The following ZNF611 variants were observed in gnomAD, a reference collection of about 807,000 sequenced individuals.
The protein encoded by ZNF611 is zinc finger protein 611.
A neutral mutation model predicts 8.9 loss-of-function variants in ZNF611; 6 were observed. That is an observed-to-expected ratio of 0.68 (90% CI 0.37 to 1.34). The LOEUF is 1.34. Ranked by LOEUF, ZNF611 falls within the 40% of genes most tolerant of loss-of-function variation. The pLI is 0.02. For synonymous variants in ZNF611, 262 were observed against 279.7 expected (o/e 0.94, Z 0.63); for missense variants, 874 against 841.3 (o/e 1.04, Z -0.48).
At chr19:52,722,315 G>C (rs532093975) in intron 3 of ZNF611, among the ~76,000 whole-genome samples, 4 of 152,142 alleles carry the variant, frequency 2.6e-5, no homozygotes, top group Non-Finnish European at 5.9e-5. Flanking sequence ...CTAAGAGGTC[G>C]AGGCTGCAGT....
intron 5 of ZNF611, chr19:52,708,406 G>A (rs1178351865): frequency 2.6e-5 from 4 of 152,246 alleles, no homozygotes; most frequent in African/African-American, 9.6e-5. Context: ...GCTGAGGCAG[G>A]AGAATGGCAT....
In ZNF611 at chr19:52,705,240, G is replaced by C. The variant is rs544374067; in HGVS notation, c.1815C>G (p.Arg605=). The C allele has an allele frequency of 4.7e-4, 759 of 1,614,034 alleles. 1 individual carries two copies. The highest frequency in any genetic ancestry group is 6.0e-4 in the Non-Finnish European group (709 of 1,180,014). Reference sequence around the variant, plus strand: ...TACGATGGCAATGAAGGGATGACCTGCGACTGAAGGTCTTGCTGCACTCAT... The same window carrying C: ...TACGATGGCAATGAAGGGATGACCTCCGACTGAAGGTCTTGCTGCACTCAT... ...KCNECSKTFS[R]RSSLHCHRRL... Residue 605 remains arginine, a synonymous_variant, in exon 6 of 6, where the codon CGC becomes CGG. Transcript: ENST00000652185.
chr19:52,726,364 C>A (rs1156404657), intron 3 of ZNF611, among the ~76,000 whole-genome samples: 2 of 152,242 alleles, frequency 1.3e-5, no homozygotes, highest in Non-Finnish European at 1.5e-5. Context: ...AACACCCCCT[C>A]CCGCAGTGCT....
chr19:52,724,464 A>G (rs1359358546), intron 3 of ZNF611: 1 of 152,274 alleles, frequency 6.6e-6, no homozygotes, highest in Non-Finnish European at 1.5e-5. Flanking sequence ...AATTTCTCTT[A>G]GTACAGACCA....
chr19:52,703,119 G>T lies in ZNF611; in HGVS notation c.*1818C>A, dbSNP rs188623638. On this transcript the variant is annotated 3_prime_UTR_variant, in exon 6 of 6. Transcript: ENST00000652185. Reference sequence around the variant, plus strand: ...AAAGGCATCTTTCAGAAGTCATTATGTATTAAGAAATACAACTTTTATAAC... The same window carrying T: ...AAAGGCATCTTTCAGAAGTCATTATTTATTAAGAAATACAACTTTTATAAC... 14 of 152,108 alleles carry T rather than the reference G, an allele frequency of 9.2e-5. No individual in the cohort carries two copies. Among genetic ancestry groups the T allele is most frequent in the African/African-American group, 3.4e-4 (14 of 41,508 alleles). The allele number at this position is 152,108 out of a possible 1,614,324, so 9.4% of individuals were successfully genotyped here.
At chr19:52,732,283 G>A in intron 1 of ZNF611, among the ~76,000 whole-genome samples, 1 of 148,364 alleles carries the variant, frequency 6.7e-6, no homozygotes. Context: ...AAAGAAAAAA[G>A]AAAACAGAAT....
chr19:52,734,273 ATTC>A (rs1430481720), intron 1 of ZNF611, among the ~76,000 whole-genome samples: 1 of 130,004 alleles, frequency 7.7e-6, no homozygotes, highest in East Asian at 2.2e-4. Flanking sequence ...GGCCTTTCTT[ATTC>A]TTCTTTTCTC....
chr19:52,717,498 G>T (rs1428902732), intron 3 of ZNF611, among the ~76,000 whole-genome samples: 2 of 152,202 alleles, frequency 1.3e-5, no homozygotes, highest in African/African-American at 4.8e-5. Flanking sequence ...AACAGTGGAA[G>T]AGAGGAGGGC....
intron 3 of ZNF611, chr19:52,724,238 G>A (rs1421640247): frequency 6.6e-6 from 1 of 152,192 alleles, no homozygotes; most frequent in Non-Finnish European, 1.5e-5. Context: ...CTTGGGCAGA[G>A]GTCCCTGCGG....
intron 2 of ZNF611, among the ~76,000 whole-genome samples, chr19:52,729,492 CAAAAAAAAAAAAAAA>C (rs397859789): frequency 2.4e-5 from 1 of 42,354 alleles, no homozygotes; most frequent in African/African-American, 1.2e-4. Flanking sequence ...GACTCCATCT[CAAAAAAAAAAAAAAA>C]AAAAAAAAAA....
chr19:52,729,506 A>AAAAAAG (rs2062412251), intron 2 of ZNF611, among the ~76,000 whole-genome samples: 1 of 148,254 alleles, frequency 6.7e-6, no homozygotes, highest in African/African-American at 2.5e-5. Flanking sequence ...AAAAAAAAAA[A>AAAAAAG]AAAAAAAAAA....
At chr19:52,722,307 A>C (rs1314823715) in intron 3 of ZNF611, among the ~76,000 whole-genome samples, 1 of 151,998 alleles carries the variant, frequency 6.6e-6, no homozygotes, top group Non-Finnish European at 1.5e-5. Context: ...ACTTGAGCCT[A>C]AGAGGTCGAG....
intron 5 of ZNF611, among the ~76,000 whole-genome samples, chr19:52,710,121 A>T (rs577143837): frequency 5.5e-4 from 83 of 150,556 alleles, no homozygotes; most frequent in Non-Finnish European, 1.0e-3. Context: ...ATGCTTCATC[A>T]CCCAGGCTGG....
chr19:52,723,239 A>G (rs1399223033), intron 3 of ZNF611, among the ~76,000 whole-genome samples: 1 of 135,644 alleles, frequency 7.4e-6, no homozygotes, highest in African/African-American at 2.8e-5. Flanking sequence ...CTCCATCCTC[A>G]CAACTTATTT....
chr19:52,710,296 C>T (rs1209961735), intron 5 of ZNF611, among the ~76,000 whole-genome samples: 1 of 149,306 alleles, frequency 6.7e-6, no homozygotes, highest in Non-Finnish European at 1.5e-5. Context: ...GTGGTGCAAT[C>T]ATGGCTCACT....
At chr19:52,719,941 G>T (rs1301022862) in intron 3 of ZNF611, among the ~76,000 whole-genome samples, 1 of 152,216 alleles carries the variant, frequency 6.6e-6, no homozygotes, top group East Asian at 1.9e-4. Context: ...GTCTCCCTGG[G>T]TACTTGAGAT....
intron 3 of ZNF611, among the ~76,000 whole-genome samples, chr19:52,725,355 G>A (rs890284914): frequency 6.6e-6 from 1 of 152,208 alleles, no homozygotes; most frequent in African/African-American, 2.4e-5. Flanking sequence ...CAGGACTGGG[G>A]CCCCGGCGCT....
intron 1 of ZNF611, among the ~76,000 whole-genome samples, chr19:52,731,934 G>A (rs1429480852): frequency 1.3e-5 from 2 of 151,264 alleles, no homozygotes; most frequent in East Asian, 2.0e-4. Flanking sequence ...TCATGCCATC[G>A]CACTCCAGCC....
chr19:52,703,244 ATTATAC>A lies in ZNF611; in HGVS notation c.*1687_*1692del, dbSNP rs1246395116. ...ACCAGAAAGAAAAAGAAGGAAGTCC[ATTATAC>A]GAGAAGAAAAGCATTTTTGAGGTCT... On this transcript the variant is annotated 3_prime_UTR_variant, in exon 6 of 6. Transcript: ENST00000652185. 6 of 152,162 alleles carry A rather than the reference ATTATAC, an allele frequency of 3.9e-5. No individual in the cohort carries two copies. Among genetic ancestry groups the A allele is most frequent in the Non-Finnish European group, 8.8e-5 (6 of 68,034 alleles). The allele number at this position is 152,162 out of a possible 1,614,324, so 9.4% of individuals were successfully genotyped here. A position where few individuals can be genotyped will look rare whatever the true frequency, so the allele number is the denominator to read the frequency against.
Sources: gnomAD v4.1 joint callset for allele counts (sites outside exome capture counted in the v4.1 genomes callset) on GRCh38, gnomAD v4.1.1 for gene constraint, MANE v1.5 for transcripts, NCBI Gene and HGNC (gene_info 2026-07-23, HGNC 2026-07-21) for gene names.